TAP2: variants seen among roughly 807,000 people sequenced by gnomAD.
TAP2 encodes the protein transporter 2, ATP binding cassette subfamily B member, also known as antigen peptide transporter 2.
Under a neutral mutation model 74.7 loss-of-function variants are expected in TAP2, and 49 were observed. That is an observed-to-expected ratio of 0.66 (90% CI 0.52 to 0.83). TAP2 has a LOEUF of 0.83. Among genes scored for constraint, TAP2 ranks in the 40% least tolerant of loss-of-function variants. The pLI is 0.00. For synonymous variants in TAP2, 306 were observed against 368.4 expected, an observed-to-expected ratio of 0.83 and a Z score of 1.94; for missense variants, 739 against 859.0, an observed-to-expected ratio of 0.86 and a Z score of 1.75.
chr6:32,829,206 C>G, intron 11 of TAP2, among the ~76,000 whole-genome samples, 172 bp from the exon 12 acceptor site: 1 of 152,196 alleles, frequency 6.6e-6, no homozygotes, highest in East Asian at 1.9e-4. Context: ...ACTGCCACAG[C>G]TGGAGGAATG....
chr6:32,828,964 C>T lies in TAP2; in HGVS notation c.2003G>A (p.Arg668His), dbSNP rs1186956376. ...CTGGAGCACCAGGATCTGGTGGGCG[C>T]GCTGAACTGTCTGCAGCCTGTGAGC... ...VIAHRLQTVQ[R>H]AHQILVLQEG... The change falls in exon 12 of 12, where the codon CGC (arginine) becomes CAC (histidine). Residue 668 changes from arginine to histidine, a missense_variant. Physicochemically the swap from Arg to His is conservative, Grantham distance 29. Transcript: ENST00000374897. The T allele has an allele frequency of 5.8e-6, 9 of 1,548,690 alleles. No individual in the cohort carries two copies. Among genetic ancestry groups the T allele is most frequent in the South Asian group, 1.2e-5 (1 of 83,600 alleles).
At chr6:32,837,715 A>T in intron 2 of TAP2, 26 bp downstream of exon 2, 1 of 1,614,114 alleles carries the variant, frequency 6.2e-7, no homozygotes, top group South Asian at 1.1e-5. Flanking sequence ...ACCACCTCCA[A>T]CTCACAACGT....
chr6:32,823,742 C>T (rs956131362), downstream of TAP2, among the ~76,000 whole-genome samples: 1 of 151,862 alleles, frequency 6.6e-6, no homozygotes, highest in Non-Finnish European at 1.5e-5. Context: ...ATATTAACTT[C>T]TGTTAAGTAT....
chr6:32,828,326 C>T lies in TAP2; in HGVS notation c.*580G>A. The T allele has an allele frequency of 3.0e-6, 3 of 985,422 alleles. No homozygotes were observed. Among genetic ancestry groups the T allele is most frequent in the South Asian group, 9.4e-5 (2 of 21,280 alleles). 61.0% of individuals were successfully genotyped at this position (985,422 alleles called of 1,614,324 possible). ...GGAACTGTTCTCTGTCCCTCCAGACCCTAGCTTCTTCAAAATAGCAGACAC... is the reference window on the plus strand; with the variant it reads ...GGAACTGTTCTCTGTCCCTCCAGACTCTAGCTTCTTCAAAATAGCAGACAC... On this transcript the variant is annotated 3_prime_UTR_variant, in exon 12 of 12. Coordinates refer to ENST00000374897, the MANE Select transcript of TAP2 (RefSeq NM_001290043.2).
Position 32,832,973 on chromosome 6 carries a change from TAA to T in TAP2, c.946-151_946-150del. The T allele has an allele frequency of 1.1e-6, 1 of 943,148 alleles. No individual in the cohort carries two copies. The highest frequency in any genetic ancestry group is 1.6e-6 in the Non-Finnish European group (1 of 612,686). The allele number at this position is 943,148 out of a possible 1,614,324, so 58.4% of individuals were successfully genotyped here. On this transcript the variant is annotated intron_variant, in intron 5 of 11. Transcript: ENST00000374897. This position sits in a 1 kb window ranked among gnomAD's most constrained non-coding sequence, Gnocchi z 5.9. ...TCCTTACTCTTCTTTCCAGAAGGAA[TAA>T]GAGTGAAGGAGCAAGGGAACAAAAT...
downstream of TAP2, chr6:32,822,261 A>T (rs1282336693): frequency 6.6e-7 from 1 of 1,516,480 alleles, no homozygotes; most frequent in Non-Finnish European, 9.1e-7. Context: ...ATTTGAACTC[A>T]TTATTCCCAG....
At position 32,838,090 on chromosome 6, in the gene TAP2, C is replaced by A. The variant is rs556618855; in HGVS notation, c.144G>T (p.Gly48=). Residue 48 remains glycine, a synonymous_variant, in exon 2 of 12, where the codon GGG becomes GGT. Transcript: ENST00000374897. ...LWLEGTLRLG[G]LWGLLKLRGL... The stretch of plus-strand genomic sequence containing the variant: ...CTCTTAGCTTTAGCAGCCCCCACAG[C>A]CCTCCCAGCCGCAGGGTCCCCTCCA... The A allele has an allele frequency of 1.2e-6, 2 of 1,612,162 alleles. No individual in the cohort carries two copies.
At chr6:32,829,333 C>T (rs1439908816) in intron 11 of TAP2, 67 bp downstream of exon 11, 3 of 1,552,732 alleles carry the variant, frequency 1.9e-6, no homozygotes, top group Non-Finnish European at 2.6e-6. Flanking sequence ...CCCAATTCTG[C>T]ACAGTCTGAT....
downstream of TAP2, chr6:32,821,962 G>T (rs73410774): frequency 0.031 from 9,214 of 298,616 alleles, 191 homozygotes; most frequent in African/African-American, 0.048. Context: ...GAGGGGAAGG[G>T]GCTGGGGAAG....
At position 32,837,838 on chromosome 6, in the gene TAP2, C is replaced by T. The variant is rs771254446; in HGVS notation, c.396G>A (p.Val132=). The T allele has an allele frequency of 1.2e-6, 2 of 1,613,680 alleles. No homozygotes were observed. Among genetic ancestry groups the T allele is most frequent in the African/African-American group, 2.7e-5 (2 of 74,878 alleles). ...GCCTCCACATCAAGACTTTGTTGTT[C>T]ACCTGGTCCTGCTCCTTCTCCTGGG... ...PGAQEKEQDQ[V]NNKVLMWRLL... Residue 132 remains valine, a synonymous_variant, in exon 2 of 12, where the codon GTG becomes GTA. Coordinates refer to ENST00000374897, the MANE Select transcript of TAP2 (RefSeq NM_001290043.2).
At position 32,827,473 on chromosome 6, in the gene TAP2, T is replaced by C. The variant is rs1224883651; in HGVS notation, c.*1433A>G. On this transcript the variant is annotated 3_prime_UTR_variant, in exon 12 of 12. Coordinates refer to ENST00000374897, the MANE Select transcript of TAP2 (RefSeq NM_001290043.2). ...GTCAAAAAAGGTGGGAAAGGGAAGA[T>C]AGAACTTTAAAAGGGCTGTGAAAGA... is the stretch of plus-strand genomic sequence containing the variant. 1.2e-5 allele frequency: 6 copies of C among 491,750 alleles called. No individual in the cohort carries two copies. Among genetic ancestry groups the C allele is most frequent in the Admixed American group, 1.3e-4 (2 of 15,640 alleles). 30.5% of individuals were successfully genotyped at this position (491,750 alleles called of 1,614,324 possible). A position where few individuals can be genotyped will look rare whatever the true frequency, so the allele number is the denominator to read the frequency against.
At chr6:32,822,513 T>C (rs1277024791), downstream of TAP2, among the ~76,000 whole-genome samples, 2 of 151,940 alleles carry the variant, frequency 1.3e-5, no homozygotes. Flanking sequence ...TTTTCTTCTA[T>C]GCCATTGAGC....
Position 32,835,147 on chromosome 6 carries a change from C to G in TAP2, c.945+7G>C. 1 of 1,612,192 alleles carries G rather than the reference C, an allele frequency of 6.2e-7. No homozygotes were observed. Among genetic ancestry groups the G allele is most frequent in the Non-Finnish European group, 8.5e-7 (1 of 1,179,980 alleles). Reference sequence around the variant, plus strand: ...TCCCTTTGGGGTTCCCTTACATGCACGCTCACCTGATGGCGGGTGTTGTAC... The same window carrying G: ...TCCCTTTGGGGTTCCCTTACATGCAGGCTCACCTGATGGCGGGTGTTGTAC... On this transcript the variant is annotated splice_region_variant and intron_variant, in intron 5 of 11. Transcript: ENST00000374897. The surrounding 1 kb of genome is among the most constrained non-coding windows in gnomAD (Gnocchi z 4.0).
rs1329788450 is a variant in TAP2 at position 32,828,174 on chromosome 6, C to T, written c.*732G>A. 4.7e-5 allele frequency: 41 copies of T among 869,912 alleles called. No homozygotes were observed. The highest frequency in any genetic ancestry group is 6.2e-5 in the Admixed American group (1 of 16,098). 53.9% of individuals were successfully genotyped at this position (869,912 alleles called of 1,614,324 possible). On this transcript the variant is annotated 3_prime_UTR_variant, in exon 12 of 12. Transcript: ENST00000374897. ...TCTGTAAAATGGGGATAATAACCAA[C>T]CTCATAGGGTTGGGGATAATGATTA...
At position 32,828,675 on chromosome 6, in the gene TAP2, G is replaced by GCCTCCCCCCCCCCCC; in HGVS notation, c.*230_*231insGGGGGGGGGGGGAGG. The GCCTCCCCCCCCCCCC allele has an allele frequency of 1.4e-5, 12 of 884,162 alleles. No homozygotes were observed. The highest frequency in any genetic ancestry group is 1.4e-5 in the Non-Finnish European group (10 of 735,134). The allele number at this position is 884,162 out of a possible 1,614,324, so 54.8% of individuals were successfully genotyped here. ...GAATTAAGTTTCCTGGACACAGACA[G>GCCTCCCCCCCCCCCC]CCCCCACCCCACCCCACCCCACCTC... On this transcript the variant is annotated 3_prime_UTR_variant, in exon 12 of 12. Transcript: ENST00000374897.
chr6:32,837,480 T>G, intron 3 of TAP2, 57 bp downstream of exon 3: 2 of 1,447,174 alleles, frequency 1.4e-6, no homozygotes, highest in South Asian at 2.3e-5. Context: ...GTTAGGGAAG[T>G]GAAGACCCCT....
chr6:32,838,327 C>G, intron 1 of TAP2, 90 bp from the exon 2 acceptor site: 2 of 1,453,918 alleles, frequency 1.4e-6, no homozygotes, highest in Non-Finnish European at 1.8e-6. Context: ...CCTAACCCGT[C>G]CATCGGCTTC....
At position 32,828,366 on chromosome 6, in the gene TAP2, A is replaced by G; in HGVS notation, c.*540T>C. 1.0e-6 allele frequency: 1 copy of G among 985,846 alleles called. No individual in the cohort carries two copies. Among genetic ancestry groups the G allele is most frequent in the Non-Finnish European group, 1.2e-6 (1 of 830,286 alleles). 61.1% of individuals were successfully genotyped at this position (985,846 alleles called of 1,614,324 possible). A position where few individuals can be genotyped will look rare whatever the true frequency, so the allele number is the denominator to read the frequency against. ...ATAGCAGACACTGGTAGGAACAAGG[A>G]AGGATATAGGAAGGCAATCTCATGA... On this transcript the variant is annotated 3_prime_UTR_variant, in exon 12 of 12. Coordinates refer to ENST00000374897, the MANE Select transcript of TAP2 (RefSeq NM_001290043.2).
intron 2 of TAP2, 21 bp downstream of exon 2, chr6:32,837,720 C>T: frequency 6.2e-7 from 1 of 1,614,198 alleles, no homozygotes; most frequent in South Asian, 1.1e-5. Flanking sequence ...CTCCAACTCA[C>T]AACGTCCTCT....
Sources: allele counts gnomAD v4.1 joint callset (sites outside exome capture counted in the v4.1 genomes callset), GRCh38; gene constraint gnomAD v4.1.1; non-coding constraint Gnocchi (gnomAD v3.1); transcripts MANE v1.5; gene names NCBI Gene and HGNC (gene_info 2026-07-23, HGNC 2026-07-21).